Variants in NIPBL observed in about 807,000 individuals in gnomAD.
The protein encoded by NIPBL is nipped-B-like protein.
A neutral mutation model predicts 321.8 loss-of-function variants in NIPBL; 19 were observed. The observed-to-expected ratio is 0.06, with a 90% confidence interval of 0.04 to 0.09. NIPBL has a LOEUF of 0.09. Ranked by LOEUF, NIPBL falls within the 10% of genes least tolerant of loss-of-function variation. The probability of loss-of-function intolerance (pLI) is 1.00; values close to 1 mark genes in which losing one functional copy is unlikely to be tolerated. For synonymous variants in NIPBL, 1,106 were observed against 1,114.1 expected, an observed-to-expected ratio of 0.99 and a Z score of 0.14; for missense variants, 2,210 against 3,327.0, an observed-to-expected ratio of 0.66 and a Z score of 8.26.
chr5:37,033,728 A>ATTTTTTTT (rs1423279625), intron 32 of NIPBL, among the ~76,000 whole-genome samples: 16 of 48,402 alleles, frequency 3.3e-4, no homozygotes, highest in African/African-American at 7.3e-4. Flanking sequence ...ATATATATAT[A>ATTTTTTTT]TATTTTTTTT....
intron 4 of NIPBL, among the ~76,000 whole-genome samples, chr5:36,961,000 T>A (rs542316385): frequency 1.3e-5 from 2 of 152,136 alleles, no homozygotes; most frequent in African/African-American, 4.8e-5. Flanking sequence ...ATTCAAACTT[T>A]CGGCCCATAA....
intron 1 of NIPBL, among the ~76,000 whole-genome samples, chr5:36,894,905 G>A (rs1225575629): frequency 1.3e-5 from 2 of 152,154 alleles, no homozygotes; most frequent in African/African-American, 4.8e-5. Flanking sequence ...TGCCTGTGGT[G>A]CTTGGTGTCT....
rs747228856 is a variant in NIPBL at position 36,985,583 on chromosome 5, A to G, written c.2403A>G (p.Leu801=). ...TAAAATCAGAACGAGCTGAAGCCTTAAAGCAGAGACCTGATGGGCGATCTG... is the reference window on the plus strand; with the variant it reads ...TAAAATCAGAACGAGCTGAAGCCTTGAAGCAGAGACCTGATGGGCGATCTG... The part of the protein sequence containing the change: ...PRLKSERAEA[L]KQRPDGRSVS... The change falls in exon 10 of 47, where the codon TTA becomes TTG. Residue 801 remains leucine, a synonymous_variant. Coordinates refer to ENST00000282516, the MANE Select transcript of NIPBL (RefSeq NM_133433.4). The G allele has an allele frequency of 1.2e-5, 19 of 1,613,958 alleles. No homozygotes were observed. The highest frequency in any genetic ancestry group is 6.7e-5 in the East Asian group (3 of 44,886).
intron 1 of NIPBL, among the ~76,000 whole-genome samples, chr5:36,903,633 C>G (rs1227180772): frequency 6.6e-6 from 1 of 152,066 alleles, no homozygotes; most frequent in African/African-American, 2.4e-5. Context: ...TGAATGAATT[C>G]ATATAAACAA....
At chr5:36,886,080 A>G in intron 1 of NIPBL, 1 of 697,964 alleles carries the variant, frequency 1.4e-6, no homozygotes, top group Non-Finnish European at 2.6e-6. Flanking sequence ...GGAGCTGCTG[A>G]GATGACACTC....
chr5:36,901,866 T>A (rs963825096), intron 1 of NIPBL, among the ~76,000 whole-genome samples: 1 of 152,148 alleles, frequency 6.6e-6, no homozygotes, highest in Non-Finnish European at 1.5e-5. Context: ...TAGTTTACAT[T>A]CCCACCAGCA....
chr5:36,886,631 A>G (rs1745928585), intron 1 of NIPBL: 1 of 504,706 alleles, frequency 2.0e-6, no homozygotes, highest in Non-Finnish European at 3.6e-6. Context: ...AGGTGTATTG[A>G]GGTATAATTT....
rs1745119040 is a variant in NIPBL, at chr5:36,877,098, A to C, written c.-160A>C. On this transcript the variant is annotated 5_prime_UTR_variant, in exon 1 of 47. Transcript: ENST00000282516. Reference sequence around the variant, plus strand: ...AGGAGACGGAAGAGGAGCCGTAGCCACCCCCCCTCCCGGCCCGGATTATAG... The same window carrying C: ...AGGAGACGGAAGAGGAGCCGTAGCCCCCCCCCCTCCCGGCCCGGATTATAG... The C allele has an allele frequency of 9.4e-6, 3 of 319,114 alleles. No homozygotes were observed. The highest frequency in any genetic ancestry group is 5.0e-5 in the Admixed American group (1 of 19,910). The allele number at this position is 319,114 out of a possible 1,614,324, so 19.8% of individuals were successfully genotyped here.
intron 31 of NIPBL, among the ~76,000 whole-genome samples, chr5:37,026,960 A>G (rs905288878): frequency 1.3e-5 from 2 of 152,148 alleles, no homozygotes; most frequent in African/African-American, 2.4e-5. Flanking sequence ...ATTCAATTAC[A>G]TCATCTTCTA....
intron 2 of NIPBL, among the ~76,000 whole-genome samples, chr5:36,954,553 G>C: frequency 6.6e-6 from 1 of 152,126 alleles, no homozygotes; most frequent in East Asian, 1.9e-4. Flanking sequence ...TCACTTTGTT[G>C]TAGGTAAGGC....
At chr5:37,061,491 A>G (rs1016058369) in intron 45 of NIPBL, among the ~76,000 whole-genome samples, 5 of 152,280 alleles carry the variant, frequency 3.3e-5, no homozygotes, top group Admixed American at 3.3e-4. Context: ...CAGCCTGGGC[A>G]ACATGGCAAA....
intron 37 of NIPBL, 46 bp from the exon 38 acceptor site, chr5:37,046,063 C>A: frequency 2.1e-6 from 2 of 948,786 alleles, no homozygotes; most frequent in Non-Finnish European, 3.4e-6. Context: ...GAAAATTAAT[C>A]TAAGTTACTG....
intron 1 of NIPBL, chr5:36,885,487 G>A: frequency 2.0e-6 from 1 of 498,768 alleles, no homozygotes; most frequent in Non-Finnish European, 3.9e-6. Flanking sequence ...CCTCCTACCT[G>A]GACAGAGTGA....
chr5:36,938,952 T>C (rs1738765262), intron 1 of NIPBL, among the ~76,000 whole-genome samples: 1 of 152,152 alleles, frequency 6.6e-6, no homozygotes, highest in Admixed American at 6.6e-5. Flanking sequence ...CTTACTATTC[T>C]ATCACTGTAA....
At chr5:37,015,326 G>A (rs932347384) in intron 22 of NIPBL, among the ~76,000 whole-genome samples, 5 of 152,214 alleles carry the variant, frequency 3.3e-5, no homozygotes, top group Admixed American at 2.0e-4. Context: ...GTTTCCCCGT[G>A]TTGGTTAGGC....
At chr5:37,007,945 T>G in intron 18 of NIPBL, 63 bp from the exon 19 acceptor site, 1 of 988,114 alleles carries the variant, frequency 1.0e-6, no homozygotes, top group East Asian at 2.4e-5. Context: ...TGGAATTTAG[T>G]AAGATAGAAT....
At chr5:36,968,095 C>CA (rs1194609840) in intron 6 of NIPBL, among the ~76,000 whole-genome samples, 4,503 of 53,484 alleles carry the variant, frequency 0.084, 506 homozygotes, top group African/African-American at 0.27. Flanking sequence ...GACTCTGTCT[C>CA]AAAAAAAAAA....
chr5:37,016,050 G>A lies in NIPBL; in HGVS notation c.4656G>A (p.Lys1552=), dbSNP rs763571035. The change falls in exon 23 of 47, where the codon AAG becomes AAA. Residue 1552 remains lysine (K), a synonymous_variant. Coordinates refer to ENST00000282516, the MANE Select transcript of NIPBL (RefSeq NM_133433.4). Reference sequence around the variant, plus strand: ...TGCCTTTGAACAGATGTGGTAGTAAGCAAGGTGAAGAAGATTACAGACCAC... The same window carrying A: ...TGCCTTTGAACAGATGTGGTAGTAAACAAGGTGAAGAAGATTACAGACCAC... ...LSIFLKKCGS[K]QGEEDYRPLF... is the part of the protein sequence containing the mutation. 1 of 1,613,936 alleles carries A rather than the reference G, an allele frequency of 6.2e-7. No individual in the cohort carries two copies. Among genetic ancestry groups the A allele is most frequent in the Non-Finnish European group, 8.5e-7 (1 of 1,179,912 alleles).
chr5:37,050,518 A>G (rs1354522431), intron 40 of NIPBL, among the ~76,000 whole-genome samples: 1 of 152,000 alleles, frequency 6.6e-6, no homozygotes, highest in African/African-American at 2.4e-5. Context: ...AGAAATTGCA[A>G]AAGTGATACG....
Sources: allele counts gnomAD v4.1 joint callset (sites outside exome capture counted in the v4.1 genomes callset), GRCh38; gene constraint gnomAD v4.1.1; transcripts MANE v1.5; gene names NCBI Gene and HGNC (gene_info 2026-07-23, HGNC 2026-07-21).